The following SLIT1 variants were observed in gnomAD, a reference collection of about 807,000 sequenced individuals.
SLIT1 encodes the protein slit guidance ligand 1.
Under a neutral mutation model 186.1 loss-of-function variants are expected in SLIT1, and 66 were observed. The ratio of observed to expected loss-of-function variants is 0.35; its 90% confidence interval spans 0.29 to 0.44. The LOEUF (loss-of-function observed/expected upper bound fraction) is 0.44. Among genes scored for constraint, SLIT1 ranks in the 20% least tolerant of loss-of-function variants. The pLI, the probability that SLIT1 is intolerant of heterozygous loss-of-function variation, is 1.00. For missense variants in SLIT1, 1,638 were observed against 2,037.4 expected (o/e 0.80, Z 3.77); for synonymous variants, 761 against 833.8 (o/e 0.91, Z 1.50).
intron 4 of SLIT1, among the ~76,000 whole-genome samples, chr10:97,077,608 G>A (rs1011798904): frequency 4.6e-5 from 7 of 152,126 alleles, no homozygotes; most frequent in African/African-American, 1.7e-4. Flanking sequence ...GAGGAGACTG[G>A]CACACGGTGG....
At position 97,057,867 on chromosome 10, in the gene SLIT1, G is replaced by A; in HGVS notation, c.1086-586C>T. 4 of 655,114 alleles carry A rather than the reference G, an allele frequency of 6.1e-6. No homozygotes were observed. The South Asian group carries it at 7.0e-5, about 11-fold the overall frequency. The allele number at this position is 655,114 out of a possible 1,614,324, so 40.6% of individuals were successfully genotyped here. Reference sequence around the variant, plus strand: ...CACATGTAGACATGGGTGGGTTCAGGAGGACAGTGAAAACATCCAGGAGGT... The same window carrying A: ...CACATGTAGACATGGGTGGGTTCAGAAGGACAGTGAAAACATCCAGGAGGT... On this transcript the variant is annotated intron_variant, in intron 11 of 36. Transcript: ENST00000266058.
Position 97,000,948 on chromosome 10 carries a change from T to G in SLIT1, c.*164A>C, listed in dbSNP as rs1439166551. 2 of 613,260 alleles carry G rather than the reference T, an allele frequency of 3.3e-6. No individual in the cohort carries two copies. Among genetic ancestry groups the G allele is most frequent in the Non-Finnish European group, 5.7e-6 (2 of 349,334 alleles). The allele number at this position is 613,260 out of a possible 1,614,324, so 38.0% of individuals were successfully genotyped here. On this transcript the variant is annotated 3_prime_UTR_variant, in exon 37 of 37. Coordinates refer to ENST00000266058, the MANE Select transcript of SLIT1 (RefSeq NM_003061.3). ...CGCTGCCCCCAGCTATGGCGCAATT[T>G]GCTTTTAAAAGGCTGCTCTGGCACC...
At chr10:97,081,328 C>T (rs1374786241) in intron 4 of SLIT1, among the ~76,000 whole-genome samples, 1 of 152,152 alleles carries the variant, frequency 6.6e-6, no homozygotes, top group Non-Finnish European at 1.5e-5. Flanking sequence ...GCCCCACCAA[C>T]GTGGCAGGAC....
At chr10:97,108,442 T>C (rs1849434077) in intron 4 of SLIT1, among the ~76,000 whole-genome samples, 1 of 152,210 alleles carries the variant, frequency 6.6e-6, no homozygotes, top group South Asian at 2.1e-4. Flanking sequence ...ACTTGTCCTT[T>C]TCCTCCACCA....
chr10:97,022,054 T>C lies in SLIT1; in HGVS notation c.2583-641A>G, dbSNP rs1848506899. ...GAGCCTACGAATGCACTGCCTCCAG[T>C]GTGCATGGGGAGAAAGCAACCCACA... is the stretch of plus-strand genomic sequence containing the variant. On this transcript the variant is annotated intron_variant, in intron 25 of 36. Transcript: ENST00000266058. The surrounding 1 kb of genome is among the most constrained non-coding windows in gnomAD (Gnocchi z 4.2). Among the ~76,000 whole-genome samples, 1 of 152,224 alleles carries C rather than the reference T, an allele frequency of 6.6e-6. No individual in the cohort carries two copies. Among genetic ancestry groups the C allele is most frequent in the Non-Finnish European group, 1.5e-5 (1 of 68,038 alleles).
At chr10:97,063,687 A>G (rs987883519) in intron 7 of SLIT1, 69 bp from the exon 8 acceptor site, 28 of 1,480,790 alleles carry the variant, frequency 1.9e-5, no homozygotes, top group Non-Finnish European at 2.1e-5. Flanking sequence ...GGGAACCCCA[A>G]TCTCAGGCAG....
At chr10:97,023,909 T>C (rs1377669502) in intron 25 of SLIT1, among the ~76,000 whole-genome samples, 1 of 150,664 alleles carries the variant, frequency 6.6e-6, no homozygotes, top group African/African-American at 2.5e-5. Context: ...GCTATGGCAC[T>C]CCAGCCTGGG....
rs1003765480 is a variant in SLIT1, at chr10:97,057,989, T to C, written c.1086-708A>G. 4.0e-5 allele frequency: 29 copies of C among 717,426 alleles called. No homozygotes were observed. In the Middle Eastern group the frequency reaches 1.4e-3, roughly 34 times the overall value. 44.4% of individuals were successfully genotyped at this position (717,426 alleles called of 1,614,324 possible). A position where few individuals can be genotyped will look rare whatever the true frequency, so the allele number is the denominator to read the frequency against. ...AGCTGAGTAAAAAATCCTGGGTACTTCCTCTTCAAACATGGCTTCAAGGTC... is the reference window on the plus strand; with the variant it reads ...AGCTGAGTAAAAAATCCTGGGTACTCCCTCTTCAAACATGGCTTCAAGGTC... On this transcript the variant is annotated intron_variant, in intron 11 of 36. Coordinates refer to ENST00000266058, the MANE Select transcript of SLIT1 (RefSeq NM_003061.3).
intron 4 of SLIT1, among the ~76,000 whole-genome samples, chr10:97,129,302 T>A (rs1162757446): frequency 6.6e-6 from 1 of 151,152 alleles, no homozygotes; most frequent in African/African-American, 2.4e-5. Flanking sequence ...CTTGGGAGGC[T>A]GAGGCAAGAG....
chr10:97,177,480 A>G (rs1850271814), intron 1 of SLIT1, among the ~76,000 whole-genome samples: 1 of 152,154 alleles, frequency 6.6e-6, no homozygotes, highest in Non-Finnish European at 1.5e-5. Context: ...GAATTCTATG[A>G]CTGTAGTAGC....
Position 97,107,671 on chromosome 10 carries a change from G to A in SLIT1, c.414-41585C>T, listed in dbSNP as rs145473055. ...GCACAAGCAGCTTCCCCAAAGGTCC[G>A]GCTGGGAAAGCTCAGGTCCTGCCTT... On this transcript the variant is annotated intron_variant, in intron 4 of 36. Coordinates refer to ENST00000266058, the MANE Select transcript of SLIT1 (RefSeq NM_003061.3). Among the ~76,000 whole-genome samples, 162 of 152,278 alleles carry A rather than the reference G, an allele frequency of 1.1e-3. 2 individuals are homozygous for A. In the South Asian group the frequency reaches 0.012, roughly 11 times the overall value.
chr10:97,173,426 G>A (rs1850216542), intron 1 of SLIT1, among the ~76,000 whole-genome samples: 2 of 152,082 alleles, frequency 1.3e-5, no homozygotes, highest in Non-Finnish European at 2.9e-5. Flanking sequence ...AATCCAAGTG[G>A]CTCAGTGCTT....
chr10:97,128,413 T>C (rs1489760851), intron 4 of SLIT1, among the ~76,000 whole-genome samples: 1 of 152,034 alleles, frequency 6.6e-6, no homozygotes, highest in Non-Finnish European at 1.5e-5. Flanking sequence ...ATGCTCACAC[T>C]CTCCCCAAAT....
intron 4 of SLIT1, among the ~76,000 whole-genome samples, chr10:97,143,283 G>T (rs766947448): frequency 2.6e-5 from 4 of 152,162 alleles, no homozygotes; most frequent in Non-Finnish European, 5.9e-5. Context: ...TACATATAAT[G>T]GCATACTATC....
At chr10:97,135,514 G>A (rs1421672529) in intron 4 of SLIT1, among the ~76,000 whole-genome samples, 1 of 152,160 alleles carries the variant, frequency 6.6e-6, no homozygotes, top group African/African-American at 2.4e-5. Context: ...AGGGGAAGTG[G>A]GGCAAGCTCA....
At chr10:97,012,186 T>A (rs1294199850) in intron 30 of SLIT1, among the ~76,000 whole-genome samples, 2 of 151,778 alleles carry the variant, frequency 1.3e-5, no homozygotes, top group African/African-American at 4.8e-5. Context: ...TTATATAAGA[T>A]GGCATGTTGC....
At chr10:97,066,341 T>C (rs944550964) in intron 4 of SLIT1, among the ~76,000 whole-genome samples, 1 of 152,220 alleles carries the variant, frequency 6.6e-6, no homozygotes, top group African/African-American at 2.4e-5. Context: ...TCCCCTTCTC[T>C]GGGCTCGGGG....
At chr10:97,115,100 C>T (rs1013681543) in intron 4 of SLIT1, among the ~76,000 whole-genome samples, 11 of 152,170 alleles carry the variant, frequency 7.2e-5, no homozygotes, top group Admixed American at 2.0e-4. Context: ...TTTCCCATTG[C>T]GACATCAGAG....
In SLIT1 at chr10:97,115,973, G is replaced by A. The variant is rs79742790; in HGVS notation, c.413+41845C>T. Among the ~76,000 whole-genome samples the A allele has an allele frequency of 8.9e-3, 1,352 of 152,314 alleles. 7 individuals are homozygous for A. Among genetic ancestry groups the A allele is most frequent in the Non-Finnish European group, 0.014 (948 of 68,024 alleles). ...GGCAGAGTATGAGAAGCAGGGGGCC[G>A]AGTTGACAGAGCACAGGCTCTGGAG... On this transcript the variant is annotated intron_variant, in intron 4 of 36. Transcript: ENST00000266058.
Sources: gnomAD v4.1 joint callset for allele counts (sites outside exome capture counted in the v4.1 genomes callset) on GRCh38, gnomAD v4.1.1 for gene constraint, Gnocchi (gnomAD v3.1) non-coding constraint, MANE v1.5 for transcripts, NCBI Gene and HGNC (gene_info 2026-07-23, HGNC 2026-07-21) for gene names.